CELF2: variants seen among roughly 807,000 people sequenced by gnomAD.
CELF2 encodes the protein CUGBP Elav-like family member 2.
In CELF2, 8 loss-of-function variants were observed where a neutral mutation model predicts 62.6. The ratio of observed to expected loss-of-function variants is 0.13; its 90% confidence interval spans 0.07 to 0.23. CELF2 has a LOEUF of 0.23. Among genes scored for constraint, CELF2 ranks in the 10% least tolerant of loss-of-function variants. The pLI, the probability that CELF2 is intolerant of heterozygous loss-of-function variation, is 1.00. For missense variants in CELF2, 333 were observed against 671.0 expected, an observed-to-expected ratio of 0.50 and a Z score of 5.56; for synonymous variants, 258 against 250.0, an observed-to-expected ratio of 1.03 and a Z score of -0.30.
the CELF2 span, among the ~76,000 whole-genome samples, chr10:10,587,257 A>G: frequency 1.3e-5 from 2 of 152,218 alleles, no homozygotes; most frequent in Non-Finnish European, 2.9e-5. Flanking sequence ...CAAAAATTAC[A>G]TGCAACAAAA....
chr10:10,552,408 A>G, the CELF2 span, among the ~76,000 whole-genome samples: 1 of 152,230 alleles, frequency 6.6e-6, no homozygotes. Context: ...AGACTAGCAG[A>G]AAATAAATGG....
At chr10:10,563,530 C>CGGAGACGGAGA in the CELF2 span, among the ~76,000 whole-genome samples, 5 of 150,938 alleles carry the variant, frequency 3.3e-5, no homozygotes, top group Non-Finnish European at 5.9e-5. Flanking sequence ...ATCGCTTGAA[C>CGGAGACGGAGA]CCAGGAGACG....
the CELF2 span, among the ~76,000 whole-genome samples, chr10:10,619,345 G>C: frequency 1.3e-5 from 2 of 152,184 alleles, no homozygotes; most frequent in Non-Finnish European, 2.9e-5. Flanking sequence ...GTAGTAGTAG[G>C]TATTTGTTAA....
intron 2 of CELF2, among the ~76,000 whole-genome samples, chr10:10,969,805 T>C (rs2050566935): frequency 6.6e-6 from 1 of 152,240 alleles, no homozygotes; most frequent in Admixed American, 6.5e-5. Flanking sequence ...TTATCCCTCA[T>C]GTCTGTGGCA....
chr10:10,562,123 G>T, the CELF2 span, among the ~76,000 whole-genome samples: 1 of 152,178 alleles, frequency 6.6e-6, no homozygotes, highest in Non-Finnish European at 1.5e-5. Context: ...CAGTGGAGAG[G>T]TTATTAGGAC....
rs58567770 is a variant in CELF2 at position 11,148,843 on chromosome 10, AACACACAC to A, written c.75-16619_75-16612del. Among the ~76,000 whole-genome samples the A allele has an allele frequency of 8.8e-5, 13 of 146,914 alleles. 1 individual carries two copies. Among genetic ancestry groups the A allele is most frequent in the Admixed American group, 4.0e-4 (6 of 14,888 alleles). Reference sequence around the variant, plus strand: ...TGTTATCGATTATTATCTTAAACCAAACACACACACACACACACACACACACACACAAA... The same window carrying A: ...TGTTATCGATTATTATCTTAAACCAAACACACACACACACACACACACAAA... On this transcript the variant is annotated intron_variant, in intron 1 of 12. Coordinates refer to ENST00000633077, the MANE Select transcript of CELF2 (RefSeq NM_001326342.2).
upstream of CELF2, among the ~76,000 whole-genome samples, chr10:10,796,685 G>A (rs947095594): frequency 1.3e-5 from 2 of 152,138 alleles, no homozygotes; most frequent in Non-Finnish European, 2.9e-5. Context: ...CTTTCTAAAG[G>A]GAAAAACATT....
At chr10:11,215,979 A>G (rs184525663) in intron 2 of CELF2, among the ~76,000 whole-genome samples, 1 of 152,352 alleles carries the variant, frequency 6.6e-6, no homozygotes, top group African/African-American at 2.4e-5. Flanking sequence ...ATTCTGGTCA[A>G]AGAACTCAAA....
chr10:10,576,684 C>T, the CELF2 span, among the ~76,000 whole-genome samples: 1 of 152,146 alleles, frequency 6.6e-6, no homozygotes, highest in Non-Finnish European at 1.5e-5. Context: ...AAACCTAGCC[C>T]CTTCACCTCC....
At chr10:10,555,650 G>A in the CELF2 span, among the ~76,000 whole-genome samples, 1 of 152,098 alleles carries the variant, frequency 6.6e-6, no homozygotes, top group Non-Finnish European at 1.5e-5. Flanking sequence ...TTGGTATATT[G>A]CATACCCTGT....
chr10:11,238,067 C>T lies in CELF2; in HGVS notation c.355-11086C>T, dbSNP rs80013173. Among the ~76,000 whole-genome samples, 1,318 of 152,212 alleles carry T rather than the reference C, an allele frequency of 8.7e-3. 18 individuals are homozygous for T. Among genetic ancestry groups the T allele is most frequent in the African/African-American group, 0.03 (1,263 of 41,494 alleles). Reference sequence around the variant, plus strand: ...CAGTTGGGCAGCTTGTCTGATTTAGCGCCTGGGTAAGATCTGGAGAACATC... The same window carrying T: ...CAGTTGGGCAGCTTGTCTGATTTAGTGCCTGGGTAAGATCTGGAGAACATC... On this transcript the variant is annotated intron_variant, in intron 3 of 12. Transcript: ENST00000633077.
the CELF2 span, among the ~76,000 whole-genome samples, chr10:10,666,002 A>G: frequency 6.6e-6 from 1 of 152,210 alleles, no homozygotes; most frequent in East Asian, 1.9e-4. Flanking sequence ...GGACTTTCTC[A>G]GCAGGCTTCA....
chr10:11,099,094 A>C (rs549559518), intron 1 of CELF2, among the ~76,000 whole-genome samples: 2 of 152,378 alleles, frequency 1.3e-5, no homozygotes, highest in East Asian at 3.9e-4. Flanking sequence ...CCCATCTTTC[A>C]GGACCAGCAA....
intron 4 of CELF2, among the ~76,000 whole-genome samples, chr10:11,249,858 C>G (rs1032176453): frequency 6.6e-6 from 1 of 152,144 alleles, no homozygotes; most frequent in African/African-American, 2.4e-5. Flanking sequence ...TCCCTTTCAG[C>G]GAACCTTCTG....
chr10:10,495,719 A>G, the CELF2 span, among the ~76,000 whole-genome samples: 3 of 152,238 alleles, frequency 2.0e-5, no homozygotes, highest in East Asian at 3.9e-4. Flanking sequence ...TTCTTGCCCA[A>G]TGTTTAATGC....
intron 1 of CELF2, among the ~76,000 whole-genome samples, chr10:11,154,574 T>C (rs2063942308): frequency 6.6e-6 from 1 of 152,220 alleles, no homozygotes; most frequent in African/African-American, 2.4e-5. Context: ...TGAACTGCTG[T>C]CGAGGAATTC....
the CELF2 span, among the ~76,000 whole-genome samples, chr10:10,707,462 T>G: frequency 2.6e-5 from 4 of 152,170 alleles, no homozygotes; most frequent in Admixed American, 6.5e-5. Context: ...CACTAAATAT[T>G]TGAATGGTGA....
At chr10:11,166,487 G>A (rs1271784535) in intron 2 of CELF2, among the ~76,000 whole-genome samples, 3 of 152,174 alleles carry the variant, frequency 2.0e-5, no homozygotes, top group Admixed American at 2.0e-4. Context: ...TTTGCAGACT[G>A]AATTTAAAAT....
the CELF2 span, among the ~76,000 whole-genome samples, chr10:10,711,180 T>C: frequency 3.3e-5 from 5 of 152,068 alleles, no homozygotes; most frequent in South Asian, 2.1e-4. Context: ...CCCCTCCCTA[T>C]AGAGAACCAT....
Sources: allele counts gnomAD v4.1 joint callset (sites outside exome capture counted in the v4.1 genomes callset), GRCh38; gene constraint gnomAD v4.1.1; transcripts MANE v1.5; gene names NCBI Gene and HGNC (gene_info 2026-07-23, HGNC 2026-07-21).